SIMC1: variants seen among roughly 807,000 people sequenced by gnomAD.
The protein encoded by SIMC1 is SUMO-interacting motif-containing protein 1.
SIMC1 carries 55 observed loss-of-function variants against 82.3 expected under a neutral mutation model. The observed-to-expected ratio is 0.67, with a 90% CI of 0.54 to 0.84. The LOEUF (loss-of-function observed/expected upper bound fraction) is 0.84, where lower values mean the gene tolerates loss of function less well. Ranked by LOEUF, SIMC1 falls within the 40% of genes least tolerant of loss-of-function variation. The probability of loss-of-function intolerance (pLI) is 0.00; values close to 1 mark genes in which losing one functional copy is unlikely to be tolerated. For missense variants in SIMC1, 915 were observed against 1,107.2 expected (o/e 0.83, Z 2.46); for synonymous variants, 353 against 426.3 (o/e 0.83, Z 2.12).
In SIMC1 at chr5:176,295,066, A is replaced by G. The variant is rs765075943; in HGVS notation, c.1468A>G (p.Arg490Gly). The G allele has an allele frequency of 1.9e-6, 3 of 1,613,596 alleles. No individual in the cohort carries two copies. The highest frequency in any genetic ancestry group is 1.7e-6 in the Non-Finnish European group (2 of 1,179,682). Reference protein sequence around the residue: ...GQKLEPIPHRRLRMVTNTIEE... With the variant: ...GQKLEPIPHRGLRMVTNTIEE... Reference sequence around the variant, plus strand: ...AAAATTAGAACCCATCCCTCATCGAAGACTAAGAATGGTAACAAATACCAT... The same window carrying G: ...AAAATTAGAACCCATCCCTCATCGAGGACTAAGAATGGTAACAAATACCAT... The change falls in exon 3 of 10, where the codon AGA (arginine) becomes GGA (glycine). Residue 490 changes from arginine to glycine, a missense_variant. Arg to Gly is a moderately radical substitution (Grantham distance 125). Transcript: ENST00000429602.
At chr5:176,255,771 A>C (rs548363766) in intron 1 of SIMC1, among the ~76,000 whole-genome samples, 2 of 151,062 alleles carry the variant, frequency 1.3e-5, no homozygotes, top group East Asian at 3.9e-4. Flanking sequence ...GAAAGCCAAG[A>C]GCACAGAATC....
At chr5:176,293,535 C>G (rs1763674048) in intron 2 of SIMC1, among the ~76,000 whole-genome samples, 1 of 150,636 alleles carries the variant, frequency 6.6e-6, no homozygotes, top group Non-Finnish European at 1.5e-5. Context: ...CTTGAGTTCA[C>G]AAGTTCGAGA....
chr5:176,341,778 T>A (rs960594538), intron 9 of SIMC1, among the ~76,000 whole-genome samples: 2 of 149,314 alleles, frequency 1.3e-5, no homozygotes, highest in Admixed American at 6.7e-5. Flanking sequence ...ATGATGATGA[T>A]GAAATAATAA....
chr5:176,297,727 T>G (rs1763883377), intron 4 of SIMC1, among the ~76,000 whole-genome samples: 1 of 152,172 alleles, frequency 6.6e-6, no homozygotes, highest in Non-Finnish European at 1.5e-5. Flanking sequence ...CAGTTAAGTG[T>G]GAGGATACAA....
Position 176,264,013 on chromosome 5 carries a change from A to G in SIMC1, c.129+25376A>G, listed in dbSNP as rs1460117006. On this transcript the variant is annotated intron_variant, in intron 1 of 9. Transcript: ENST00000429602. ...AAGTCCAGAACTCAGCAGGGCAGAC[A>G]TTAAATCTTAAAGCTCCAAAATAAT... 3.9e-5 allele frequency among the ~76,000 whole-genome samples: 6 copies of G among 152,356 alleles called. No individual in the cohort carries two copies. In the East Asian group the frequency reaches 9.6e-4, roughly 24 times the overall value.
intron 1 of SIMC1, among the ~76,000 whole-genome samples, chr5:176,263,255 GC>G: frequency 6.6e-6 from 1 of 152,278 alleles, no homozygotes; most frequent in South Asian, 2.1e-4. Context: ...CGAAATCCCA[GC>G]AATTTGTTCT....
At chr5:176,308,174 T>G in intron 4 of SIMC1, 1 of 1,228,496 alleles carries the variant, frequency 8.1e-7, no homozygotes, top group Non-Finnish European at 1.2e-6. Flanking sequence ...GATGGGGCTG[T>G]GGATAGGGGA....
chr5:176,301,446 A>G (rs2113298664), intron 4 of SIMC1, among the ~76,000 whole-genome samples: 1 of 152,282 alleles, frequency 6.6e-6, no homozygotes, highest in South Asian at 2.1e-4. Context: ...TGTCTTTATT[A>G]GTAGCGTGAT....
chr5:176,269,388 T>C (rs1289878181), intron 1 of SIMC1, among the ~76,000 whole-genome samples: 4 of 152,148 alleles, frequency 2.6e-5, no homozygotes, highest in Non-Finnish European at 2.9e-5. Context: ...GGAAATATTA[T>C]GAACAATTTT....
At chr5:176,250,215 G>A (rs1383937890) in intron 1 of SIMC1, among the ~76,000 whole-genome samples, 4 of 152,012 alleles carry the variant, frequency 2.6e-5, no homozygotes, top group Admixed American at 6.6e-5. Flanking sequence ...CCTTAATGTC[G>A]TTATTTACCC....
intron 9 of SIMC1, among the ~76,000 whole-genome samples, chr5:176,343,476 A>T (rs1766241046): frequency 6.6e-6 from 1 of 152,214 alleles, no homozygotes. Flanking sequence ...TTGGGATGAG[A>T]TACCTTTATA....
In SIMC1 at chr5:176,289,898, T is replaced by C. The variant is rs767681651; in HGVS notation, c.374T>C (p.Ile125Thr). 5.6e-6 allele frequency: 9 copies of C among 1,613,858 alleles called. No individual in the cohort carries two copies. The South Asian group carries it at 9.9e-5, about 18-fold the overall frequency. The change falls in exon 2 of 10, where the codon ATT becomes ACT. Residue 125 changes from isoleucine (I) to threonine (T), a missense_variant. Ile to Thr is a moderately conservative substitution (Grantham distance 89, BLOSUM62 -1). Around this residue, in one of 2 missense-constraint regions of SIMC1, gnomAD observed 902 missense variants for 1,040.3 expected, o/e 0.87. Coordinates refer to ENST00000429602, the MANE Select transcript of SIMC1 (RefSeq NM_001308195.2). ...TCTCAGCCTACAGCACGGAGAATCA[T>C]TAACAGTGATCCTGTAGATTTGGAC... is the stretch of plus-strand genomic sequence containing the variant. ...RSSQPTARRI[I>T]NSDPVDLDLV... is the part of the protein sequence containing the mutation.
intron 7 of SIMC1, among the ~76,000 whole-genome samples, chr5:176,330,213 C>A (rs1765580450): frequency 1.3e-5 from 2 of 151,970 alleles, no homozygotes; most frequent in Non-Finnish European, 2.9e-5. Context: ...CCAGCCTGGC[C>A]AACATGGTGA....
rs780158880 is a variant in SIMC1 at position 176,289,674 on chromosome 5, A to C, written c.150A>C (p.Arg50Ser). Reference sequence around the variant, plus strand: ...AACAGGACTTCATTGACTTAACTAGAGAGACCAGACCAAGGACAAAAGATC... The same window carrying C: ...AACAGGACTTCATTGACTTAACTAGCGAGACCAGACCAAGGACAAAAGATC... ...RRTVDFIDLTRETRPRTKDRS... is the reference protein window; with the variant it reads ...RRTVDFIDLTSETRPRTKDRS... Residue 50 changes from arginine (R) to serine (S), a missense_variant, in exon 2 of 10, where the codon AGA becomes AGC. By Grantham distance (110) the Arg-to-Ser change is moderately radical. This residue lies in a region of SIMC1 where 902 missense variants were observed against 1,040.3 expected (regional missense o/e 0.87). Transcript: ENST00000429602. The C allele has an allele frequency of 1.4e-5, 23 of 1,606,556 alleles. 1 individual carries two copies. In the African/African-American group the frequency reaches 2.5e-4, roughly 18 times the overall value.
intron 1 of SIMC1, among the ~76,000 whole-genome samples, chr5:176,255,280 C>T (rs1303756298): frequency 6.7e-6 from 1 of 150,370 alleles, no homozygotes; most frequent in African/African-American, 2.4e-5. Context: ...AAATAAAAGT[C>T]ATAAAAACGT....
At chr5:176,282,297 A>G (rs375663185) in intron 1 of SIMC1, among the ~76,000 whole-genome samples, 1 of 152,272 alleles carries the variant, frequency 6.6e-6, no homozygotes, top group East Asian at 1.9e-4. Context: ...GCGCAGTATT[A>G]GGGTGGGAGT....
intron 3 of SIMC1, among the ~76,000 whole-genome samples, chr5:176,295,542 C>T (rs2560205): frequency 1.3e-5 from 2 of 151,958 alleles, no homozygotes; most frequent in African/African-American, 4.8e-5. Flanking sequence ...AGCTCTACTT[C>T]GGTTCTGTTT....
intron 9 of SIMC1, 85 bp from the exon 10 acceptor site, chr5:176,345,098 A>C: frequency 1.3e-6 from 2 of 1,519,898 alleles, no homozygotes; most frequent in Non-Finnish European, 1.8e-6. Context: ...AGTCTTTGCC[A>C]AGACTCTACC....
intron 5 of SIMC1, among the ~76,000 whole-genome samples, chr5:176,315,270 G>T (rs1764844945): frequency 6.6e-6 from 1 of 152,166 alleles, no homozygotes; most frequent in East Asian, 1.9e-4. Context: ...GAAGACAGGG[G>T]GCGGGGCTAT....
Sources: gnomAD v4.1 joint callset for allele counts (sites outside exome capture counted in the v4.1 genomes callset) on GRCh38, gnomAD v4.1.1 for gene constraint, gnomAD v4.1.1 regional missense constraint, MANE v1.5 for transcripts, NCBI Gene and HGNC (gene_info 2026-07-23, HGNC 2026-07-21) for gene names.